Variants in ADARB2 observed in about 807,000 individuals in gnomAD.
ADARB2 encodes the protein adenosine deaminase RNA specific B2 (inactive).
ADARB2 carries 25 observed loss-of-function variants against 62.2 expected under a neutral mutation model. The observed-to-expected ratio is 0.40, with a 90% CI of 0.29 to 0.56. The LOEUF is 0.56. ADARB2 is among the 20% of genes least tolerant of loss of function. The pLI is 0.43. For missense variants in ADARB2, 1,071 were observed against 1,077.4 expected, an observed-to-expected ratio of 0.99 and a Z score of 0.08; for synonymous variants, 572 against 500.8, an observed-to-expected ratio of 1.14 and a Z score of -1.90.
rs186554452 is a variant in ADARB2 at position 1,358,703 on chromosome 10, G to A, written c.1077+4325C>T. 1.1e-3 allele frequency among the ~76,000 whole-genome samples: 165 copies of A among 152,136 alleles called. 2 individuals carry two copies. The highest frequency in any genetic ancestry group is 3.8e-3 in the African/African-American group (157 of 41,530). On this transcript the variant is annotated intron_variant, in intron 3 of 9. Coordinates refer to ENST00000381312, the MANE Select transcript of ADARB2 (RefSeq NM_018702.4). ...AGTCATTCAAGGAACTGTTTCTGAA[G>A]GCACTACTTTGGAGTTTGGACTGAG...
intron 1 of ADARB2, among the ~76,000 whole-genome samples, chr10:1,439,740 G>A (rs1431101075): frequency 6.8e-6 from 1 of 146,032 alleles, no homozygotes; most frequent in East Asian, 2.1e-4. Flanking sequence ...GCAGATGGAG[G>A]CAGGTCCTTC....
chr10:1,681,014 G>A (rs1336449504), intron 1 of ADARB2, among the ~76,000 whole-genome samples: 1 of 152,180 alleles, frequency 6.6e-6, no homozygotes, highest in East Asian at 1.9e-4. Flanking sequence ...TAAACAAGGG[G>A]TTAGGGACCC....
intron 1 of ADARB2, among the ~76,000 whole-genome samples, chr10:1,586,569 C>T (rs1027352960): frequency 6.6e-6 from 1 of 152,158 alleles, no homozygotes; most frequent in Non-Finnish European, 1.5e-5. Context: ...CATCTCTGCC[C>T]CGAGGGGATC....
chr10:1,348,415 C>A (rs541828147), intron 3 of ADARB2, among the ~76,000 whole-genome samples: 1 of 152,102 alleles, frequency 6.6e-6, no homozygotes, highest in Non-Finnish European at 1.5e-5. Context: ...GGCTGTCAGG[C>A]GACGCCTGAG....
chr10:1,331,726 A>G (rs1331125469), intron 3 of ADARB2, among the ~76,000 whole-genome samples: 1 of 152,242 alleles, frequency 6.6e-6, no homozygotes, highest in African/African-American at 2.4e-5. Flanking sequence ...TTTTTATGGT[A>G]TCTGATTTAT....
chr10:1,406,787 TG>T (rs1359601282), intron 1 of ADARB2, among the ~76,000 whole-genome samples: 1 of 152,336 alleles, frequency 6.6e-6, no homozygotes, highest in East Asian at 1.9e-4. Context: ...GTCAACCCCC[TG>T]GCCCTGCAGT....
chr10:1,648,698 GA>G (rs1345462229), intron 1 of ADARB2, among the ~76,000 whole-genome samples: 5 of 152,182 alleles, frequency 3.3e-5, no homozygotes, highest in African/African-American at 9.6e-5. Flanking sequence ...TTCAGAAGAT[GA>G]ATCTACCATT....
At chr10:1,560,260 C>G (rs1832768614) in intron 1 of ADARB2, among the ~76,000 whole-genome samples, 2 of 152,198 alleles carry the variant, frequency 1.3e-5, no homozygotes. Flanking sequence ...TCCCTTGTTC[C>G]TGCCAAGAGG....
chr10:1,428,949 A>C (rs1174435712), intron 1 of ADARB2, among the ~76,000 whole-genome samples: 1 of 152,084 alleles, frequency 6.6e-6, no homozygotes, highest in East Asian at 1.9e-4. Flanking sequence ...GGTGGAGGGC[A>C]CCAGTGTCTA....
intron 1 of ADARB2, among the ~76,000 whole-genome samples, chr10:1,607,859 A>G (rs1424736444): frequency 2.6e-5 from 4 of 152,214 alleles, no homozygotes; most frequent in East Asian, 1.9e-4. Flanking sequence ...CAGGCCTCGC[A>G]TGAACTTTAA....
intron 1 of ADARB2, among the ~76,000 whole-genome samples, chr10:1,639,852 A>G (rs1833958416): frequency 6.8e-6 from 1 of 147,170 alleles, no homozygotes; most frequent in Admixed American, 7.1e-5. Flanking sequence ...CTCAAACAAA[A>G]CAAAACAAAG....
intron 6 of ADARB2, among the ~76,000 whole-genome samples, chr10:1,217,753 T>G (rs1050535952): frequency 6.6e-6 from 1 of 152,122 alleles, no homozygotes; most frequent in Non-Finnish European, 1.5e-5. Flanking sequence ...GCCCAGGCTG[T>G]GAGGAGTCGG....
chr10:1,373,824 C>T lies in ADARB2; in HGVS notation c.187+5250G>A, dbSNP rs539040778. Among the ~76,000 whole-genome samples, 98 of 149,550 alleles carry T rather than the reference C, an allele frequency of 6.6e-4. 2 individuals carry two copies. The highest frequency in any genetic ancestry group is 2.2e-3 in the African/African-American group (90 of 40,894). On this transcript the variant is annotated intron_variant, in intron 2 of 9. Transcript: ENST00000381312. Reference sequence around the variant, plus strand: ...TTTCCTAGTGAGACCGCGTGGACTCCGCGCACCCTTCCTAGTGAAACCGCG... The same window carrying T: ...TTTCCTAGTGAGACCGCGTGGACTCTGCGCACCCTTCCTAGTGAAACCGCG...
intron 1 of ADARB2, among the ~76,000 whole-genome samples, chr10:1,542,775 C>T (rs375380749): frequency 0.098 from 4,894 of 49,944 alleles, 382 homozygotes; most frequent in Non-Finnish European, 0.11. Flanking sequence ...CCCACTCAGA[C>T]GCAGTTCAGA....
intron 1 of ADARB2, among the ~76,000 whole-genome samples, chr10:1,669,699 C>A (rs1202322030): frequency 6.6e-6 from 1 of 150,978 alleles, no homozygotes; most frequent in Admixed American, 6.6e-5. Context: ...GACACACACA[C>A]CCACAGGGAG....
At chr10:1,441,277 ATT>A (rs1007961327) in intron 1 of ADARB2, among the ~76,000 whole-genome samples, 15 of 152,342 alleles carry the variant, frequency 9.8e-5, no homozygotes, top group East Asian at 9.6e-4. Context: ...TCTAAAAAAA[ATT>A]GTTTTTTGGA....
intron 1 of ADARB2, among the ~76,000 whole-genome samples, chr10:1,517,177 C>T (rs1459387093): frequency 6.6e-6 from 1 of 151,956 alleles, no homozygotes; most frequent in African/African-American, 2.4e-5. Flanking sequence ...GAAAGTAACT[C>T]TTGCATCGTG....
At chr10:1,549,670 C>T (rs140628372) in intron 1 of ADARB2, among the ~76,000 whole-genome samples, 4 of 152,266 alleles carry the variant, frequency 2.6e-5, no homozygotes, top group South Asian at 2.1e-4. Context: ...ACTCTTCCTC[C>T]TCATTGTCAC....
At chr10:1,680,528 G>A (rs1482869167) in intron 1 of ADARB2, among the ~76,000 whole-genome samples, 1 of 152,162 alleles carries the variant, frequency 6.6e-6, no homozygotes, top group African/African-American at 2.4e-5. Context: ...ATCTGTGTGT[G>A]TGGGCGCTTT....
Sources: gnomAD v4.1 joint callset for allele counts (sites outside exome capture counted in the v4.1 genomes callset) on GRCh38, gnomAD v4.1.1 for gene constraint, MANE v1.5 for transcripts, NCBI Gene and HGNC (gene_info 2026-07-23, HGNC 2026-07-21) for gene names.